The following WDR7 variants were observed in gnomAD, a reference collection of about 807,000 sequenced individuals.
WDR7 encodes the protein WD repeat-containing protein 7.
WDR7 carries 46 observed loss-of-function variants against 169.4 expected under a neutral mutation model. The observed-to-expected ratio is 0.27, with a 90% CI of 0.21 to 0.35. The LOEUF (loss-of-function observed/expected upper bound fraction) is 0.35, where lower values mean the gene tolerates loss of function less well. Ranked by LOEUF, WDR7 falls within the 10% of genes least tolerant of loss-of-function variation. WDR7 has a pLI of 1.00. For missense variants in WDR7, 1,534 were observed against 1,859.3 expected (o/e 0.83, Z 3.22); for synonymous variants, 612 against 666.8 (o/e 0.92, Z 1.27).
chr18:56,852,085 C>A (rs978477075), intron 20 of WDR7, among the ~76,000 whole-genome samples: 3 of 152,154 alleles, frequency 2.0e-5, no homozygotes, highest in Non-Finnish European at 4.4e-5. Flanking sequence ...TTCCTCCATG[C>A]CTGTTCACTT....
intron 20 of WDR7, among the ~76,000 whole-genome samples, chr18:56,863,268 A>G (rs1240487210): frequency 6.6e-6 from 1 of 151,808 alleles, no homozygotes; most frequent in African/African-American, 2.4e-5. Flanking sequence ...ATAATAAATC[A>G]ATTTTGTTTT....
downstream of WDR7, chr18:57,031,394 C>T (rs905142179): frequency 2.0e-5 from 3 of 152,160 alleles, no homozygotes; most frequent in Admixed American, 1.3e-4. Flanking sequence ...AGATTAGAGC[C>T]ATTCATTCTG....
At chr18:56,989,993 T>C (rs2145854363) in intron 26 of WDR7, among the ~76,000 whole-genome samples, 1 of 152,378 alleles carries the variant, frequency 6.6e-6, no homozygotes, top group South Asian at 2.1e-4. Flanking sequence ...TGTCTTTCTT[T>C]AAGTGGAAAG....
At chr18:56,832,521 C>T (rs2045329777) in intron 20 of WDR7, among the ~76,000 whole-genome samples, 1 of 152,240 alleles carries the variant, frequency 6.6e-6, no homozygotes, top group Admixed American at 6.5e-5. Flanking sequence ...AAGTGGGACC[C>T]TGACTCCCGT....
At chr18:56,665,045 G>A (rs137935009) in intron 1 of WDR7, among the ~76,000 whole-genome samples, 68 of 152,302 alleles carry the variant, frequency 4.5e-4, no homozygotes, top group African/African-American at 1.4e-3. Context: ...TGTAATCCCA[G>A]CACCTTGGGA....
intron 26 of WDR7, among the ~76,000 whole-genome samples, chr18:56,990,724 C>G (rs971546658): frequency 3.9e-5 from 6 of 152,152 alleles, no homozygotes; most frequent in African/African-American, 1.4e-4. Context: ...GTAAGCTTTA[C>G]TTATATATAC....
chr18:56,995,061 GAA>G (rs199828359), intron 26 of WDR7, among the ~76,000 whole-genome samples: 1 of 151,916 alleles, frequency 6.6e-6, no homozygotes. Flanking sequence ...GAATATGAGA[GAA>G]AAAAAACTTC....
intron 13 of WDR7, among the ~76,000 whole-genome samples, chr18:56,726,934 C>T (rs954302507): frequency 6.6e-6 from 1 of 151,656 alleles, no homozygotes; most frequent in Non-Finnish European, 1.5e-5. Context: ...TCTTCATAGT[C>T]ACACAGTAAT....
At chr18:56,763,877 C>A (rs2044020618) in intron 16 of WDR7, among the ~76,000 whole-genome samples, 1 of 152,054 alleles carries the variant, frequency 6.6e-6, no homozygotes, top group Non-Finnish European at 1.5e-5. Flanking sequence ...CTTTTACTAT[C>A]ATATTTGTAG....
chr18:56,812,599 G>A (rs1020505848), intron 19 of WDR7, among the ~76,000 whole-genome samples: 5 of 152,154 alleles, frequency 3.3e-5, no homozygotes, highest in African/African-American at 9.7e-5. Flanking sequence ...AAAATCCTCA[G>A]AATCAGGGAA....
chr18:56,793,460 A>G (rs2044527782), intron 19 of WDR7, among the ~76,000 whole-genome samples: 1 of 152,256 alleles, frequency 6.6e-6, no homozygotes, highest in Non-Finnish European at 1.5e-5. Context: ...TAGTAAGCAC[A>G]CTAAAGCTTC....
chr18:56,763,884 G>A (rs1050332201), intron 16 of WDR7, among the ~76,000 whole-genome samples: 3 of 151,998 alleles, frequency 2.0e-5, no homozygotes, highest in African/African-American at 4.8e-5. Flanking sequence ...TATCATATTT[G>A]TAGGATTTGA....
chr18:56,911,988 TTGAC>T (rs1418984483), intron 21 of WDR7, among the ~76,000 whole-genome samples: 4 of 152,198 alleles, frequency 2.6e-5, no homozygotes, highest in African/African-American at 9.6e-5. Flanking sequence ...GCATGAGCCT[TTGAC>T]TGAGTGGTAA....
At chr18:57,035,997 CTG>C in the WDR7 span, 1 of 152,200 alleles carries the variant, frequency 6.6e-6, no homozygotes, top group African/African-American at 2.4e-5. Flanking sequence ...GGATGAGACT[CTG>C]GGTTTGCCCA....
chr18:56,880,359 C>T (rs1196822576), intron 21 of WDR7, among the ~76,000 whole-genome samples, 194 bp downstream of exon 21: 2 of 152,168 alleles, frequency 1.3e-5, no homozygotes, highest in Non-Finnish European at 1.5e-5. Context: ...GTTAAAACAT[C>T]GTCTTTTAAA....
At chr18:56,898,869 C>G (rs2046365269) in intron 21 of WDR7, among the ~76,000 whole-genome samples, 1 of 152,074 alleles carries the variant, frequency 6.6e-6, no homozygotes, top group African/African-American at 2.4e-5. Flanking sequence ...TTTTGATAAT[C>G]ATACAATGGT....
At chr18:56,677,979 T>G (rs1237820318) in intron 2 of WDR7, among the ~76,000 whole-genome samples, 1 of 152,180 alleles carries the variant, frequency 6.6e-6, no homozygotes, top group Non-Finnish European at 1.5e-5. Flanking sequence ...CCTTTGACTG[T>G]ATATTTTCAA....
rs930540244 is a variant in WDR7 at position 56,695,074 on chromosome 18, A to C, written c.1233A>C (p.Ala411=). The stretch of plus-strand genomic sequence containing the variant: ...GTAATGAACCTCTTAAAGTAACTGC[A>C]AGTGTGTACATACCAGCACATGGAC... ...PNSNEPLKVT[A]SVYIPAHGRL... The change falls in exon 11 of 28, where the codon GCA becomes GCC. Residue 411 remains alanine (A), a synonymous_variant. Coordinates refer to ENST00000254442, the MANE Select transcript of WDR7 (RefSeq NM_015285.3). 1 of 1,614,066 alleles carries C rather than the reference A, an allele frequency of 6.2e-7. No individual in the cohort carries two copies. The highest frequency in any genetic ancestry group is 8.5e-7 in the Non-Finnish European group (1 of 1,180,038).
intron 26 of WDR7, 31 bp from the exon 27 acceptor site, chr18:57,020,714 T>G: frequency 1.2e-6 from 2 of 1,602,868 alleles, no homozygotes; most frequent in Non-Finnish European, 1.7e-6. Context: ...GTGAAATGCT[T>G]ATCATTCATG....
Sources: gnomAD v4.1 joint callset for allele counts (sites outside exome capture counted in the v4.1 genomes callset) on GRCh38, gnomAD v4.1.1 for gene constraint, MANE v1.5 for transcripts, NCBI Gene and HGNC (gene_info 2026-07-23, HGNC 2026-07-21) for gene names.